Variants in GLIS1 observed in about 807,000 individuals in gnomAD.
GLIS1 encodes the protein GLIS family zinc finger 1.
In GLIS1, 24 loss-of-function variants were observed where a neutral mutation model predicts 63.8. The observed-to-expected ratio is 0.38, with a 90% CI of 0.27 to 0.53. The LOEUF is 0.53. GLIS1 is among the 20% of genes least tolerant of loss of function. The pLI, the probability that GLIS1 is intolerant of heterozygous loss-of-function variation, is 0.85. For synonymous variants in GLIS1, 450 were observed against 482.5 expected (o/e 0.93, Z 0.88); for missense variants, 1,036 against 1,074.1 (o/e 0.96, Z 0.50).
At chr1:53,516,753 C>A (rs1644356800) in intron 7 of GLIS1, among the ~76,000 whole-genome samples, 1 of 151,484 alleles carries the variant, frequency 6.6e-6, no homozygotes, top group Non-Finnish European at 1.5e-5. Flanking sequence ...GCGGAGGTTG[C>A]AGTGAGCCGA....
intron 8 of GLIS1, 121 bp from the exon 9 acceptor site, chr1:53,510,148 C>T (rs748551406): frequency 4.2e-5 from 19 of 455,880 alleles, no homozygotes; most frequent in Middle Eastern, 5.8e-4. Flanking sequence ...TGACCTGCTC[C>T]GACTTACAAT....
rs1048147750 is a variant in GLIS1, at chr1:53,594,334, A to G, written c.1094T>C (p.Val365Ala). 2 of 1,609,790 alleles carry G rather than the reference A, an allele frequency of 1.2e-6. No homozygotes were observed. Among genetic ancestry groups the G allele is most frequent in the Non-Finnish European group, 1.7e-6 (2 of 1,178,876 alleles). Residue 365 changes from valine (V) to alanine (A), a missense_variant, in exon 4 of 11, where the codon GTG becomes GCG. Val to Ala is a moderately conservative substitution (Grantham distance 64). Around this residue, in one of 3 missense-constraint regions of GLIS1, gnomAD observed 592 missense variants for 593.9 expected, o/e 1.00. Coordinates refer to ENST00000628545, the MANE Select transcript of GLIS1 (RefSeq NM_001367484.1). ...GCGGCACGCCTGCCGCCCGGCCACC[A>G]CCCTGCCTGCCAGGCCCAGCCCCAG... ...GGLGLGLAGR[V>A]VAGRQACRWV...
At chr1:53,510,768 G>A (rs1347809098) in intron 8 of GLIS1, among the ~76,000 whole-genome samples, 3 of 152,178 alleles carry the variant, frequency 2.0e-5, no homozygotes, top group Admixed American at 6.5e-5. Context: ...TGGCCAAGTC[G>A]GCATTTTTTT....
intron 2 of GLIS1, among the ~76,000 whole-genome samples, chr1:53,636,004 C>T (rs1398888213): frequency 6.6e-6 from 1 of 152,136 alleles, no homozygotes; most frequent in Non-Finnish European, 1.5e-5. Context: ...CCAGTAATTG[C>T]TATCCAACAT....
intron 2 of GLIS1, among the ~76,000 whole-genome samples, chr1:53,621,393 T>C (rs967799762): frequency 3.3e-5 from 5 of 152,242 alleles, no homozygotes; most frequent in Non-Finnish European, 5.9e-5. Flanking sequence ...CTGGCGCCTA[T>C]GTGGGCCTCA....
intron 2 of GLIS1, among the ~76,000 whole-genome samples, chr1:53,676,469 T>A (rs973473528): frequency 6.6e-6 from 1 of 152,128 alleles, no homozygotes; most frequent in Non-Finnish European, 1.5e-5. Context: ...CACACCCCCA[T>A]AGGCCCTGCC....
At chr1:53,683,243 G>C (rs1646295061) in intron 2 of GLIS1, among the ~76,000 whole-genome samples, 1 of 152,116 alleles carries the variant, frequency 6.6e-6, no homozygotes, top group South Asian at 2.1e-4. Context: ...TCTACCAATG[G>C]CCAGGTGCTC....
intron 4 of GLIS1, among the ~76,000 whole-genome samples, chr1:53,534,731 A>T (rs2100347712): frequency 7.0e-6 from 1 of 142,884 alleles, no homozygotes; most frequent in South Asian, 2.2e-4. Flanking sequence ...CGAGTCACTC[A>T]CTCATCCTCT....
intron 2 of GLIS1, among the ~76,000 whole-genome samples, chr1:53,622,305 G>A (rs182414657): frequency 1.3e-5 from 2 of 151,714 alleles, no homozygotes; most frequent in African/African-American, 4.8e-5. Context: ...GTGTGCGCCT[G>A]TAATCCCAGC....
At chr1:53,685,103 G>T (rs991125133) in intron 2 of GLIS1, among the ~76,000 whole-genome samples, 1 of 152,132 alleles carries the variant, frequency 6.6e-6, no homozygotes, top group African/African-American at 2.4e-5. Flanking sequence ...GGGTGGGGAG[G>T]CATTTCCCCC....
At chr1:53,541,614 G>C (rs1644643761) in intron 4 of GLIS1, among the ~76,000 whole-genome samples, 2 of 152,254 alleles carry the variant, frequency 1.3e-5, no homozygotes, top group Non-Finnish European at 2.9e-5. Flanking sequence ...TCAAGTTAGG[G>C]AAGGGAGGTG....
chr1:53,587,596 T>C (rs770999426), intron 4 of GLIS1, among the ~76,000 whole-genome samples: 8 of 152,202 alleles, frequency 5.3e-5, no homozygotes, highest in Non-Finnish European at 8.8e-5. Flanking sequence ...TGTTTTACTT[T>C]TCAACCCATG....
chr1:53,615,732 TATTCATTTATTTA>T (rs1645474682), intron 2 of GLIS1, among the ~76,000 whole-genome samples: 2 of 141,276 alleles, frequency 1.4e-5, no homozygotes, highest in Admixed American at 1.4e-4. Context: ...TTATTTATTT[TATTCATTTATTTA>T]TTTTATTTTT....
intron 2 of GLIS1, among the ~76,000 whole-genome samples, chr1:53,670,802 C>T (rs1169992773): frequency 6.6e-6 from 1 of 152,236 alleles, no homozygotes; most frequent in Admixed American, 6.5e-5. Context: ...GCACCCAGCA[C>T]CTCACCTGAC....
intron 2 of GLIS1, among the ~76,000 whole-genome samples, chr1:53,636,312 A>G (rs1331029060): frequency 6.6e-6 from 1 of 152,186 alleles, no homozygotes; most frequent in East Asian, 1.9e-4. Flanking sequence ...ACTTAACGCT[A>G]TTCACCACAT....
At chr1:53,546,423 G>T (rs2100387408) in intron 4 of GLIS1, among the ~76,000 whole-genome samples, 1 of 152,364 alleles carries the variant, frequency 6.6e-6, no homozygotes, top group Non-Finnish European at 1.5e-5. Flanking sequence ...CATCTGGATG[G>T]GGTGCAGCTT....
At chr1:53,626,324 G>A (rs1191097731) in intron 2 of GLIS1, among the ~76,000 whole-genome samples, 2 of 152,052 alleles carry the variant, frequency 1.3e-5, no homozygotes, top group Non-Finnish European at 1.5e-5. Flanking sequence ...CCCTCCCTCC[G>A]GTCTTGCCAA....
chr1:53,559,019 A>C (rs905073403), intron 4 of GLIS1, among the ~76,000 whole-genome samples: 9 of 152,226 alleles, frequency 5.9e-5, no homozygotes, highest in Non-Finnish European at 1.0e-4. Context: ...AAAAACCAGG[A>C]AAGATACAAA....
At chr1:53,719,216 G>A (rs932730329) in intron 2 of GLIS1, among the ~76,000 whole-genome samples, 14 of 152,182 alleles carry the variant, frequency 9.2e-5, no homozygotes, top group South Asian at 4.1e-4. Context: ...ACAGTCTTTC[G>A]TGTTCCGTAT....
Sources: allele counts gnomAD v4.1 joint callset (sites outside exome capture counted in the v4.1 genomes callset), GRCh38; gene constraint gnomAD v4.1.1; regional missense constraint gnomAD v4.1.1; transcripts MANE v1.5; gene names NCBI Gene and HGNC (gene_info 2026-07-23, HGNC 2026-07-21).